The following MACROD2 variants were observed in gnomAD, a reference collection of about 807,000 sequenced individuals.
The protein encoded by MACROD2 is ADP-ribose glycohydrolase MACROD2.
MACROD2 carries 36 observed loss-of-function variants against 70.4 expected under a neutral mutation model. The ratio of observed to expected loss-of-function variants is 0.51; its 90% CI spans 0.39 to 0.68. MACROD2 has a LOEUF of 0.68. Among genes scored for constraint, MACROD2 ranks in the 30% least tolerant of loss-of-function variants. The pLI, the probability that MACROD2 is intolerant of heterozygous loss-of-function variation, is 0.00. For synonymous variants in MACROD2, 172 were observed against 178.8 expected, an observed-to-expected ratio of 0.96 and a Z score of 0.30; for missense variants, 496 against 538.4, an observed-to-expected ratio of 0.92 and a Z score of 0.78.
chr20:14,401,170 A>C (rs2083634385), intron 3 of MACROD2, among the ~76,000 whole-genome samples: 1 of 152,214 alleles, frequency 6.6e-6, no homozygotes, highest in Non-Finnish European at 1.5e-5. Flanking sequence ...TATATTATTT[A>C]TGCCAAGGGA....
chr20:15,595,221 A>G lies in MACROD2; in HGVS notation c.645+95374A>G, dbSNP rs148606879. Among the ~76,000 whole-genome samples, 120 of 152,344 alleles carry G rather than the reference A, an allele frequency of 7.9e-4. No individual in the cohort carries two copies. The Middle Eastern group carries it at 0.014, about 17-fold the overall frequency. On this transcript the variant is annotated intron_variant, in intron 8 of 17. Coordinates refer to ENST00000684519, the MANE Select transcript of MACROD2 (RefSeq NM_001351661.2). ...ACTGCACAACAGTGTGACTGTACAT[A>G]ATACTACTGAACTGTGCACTAAAAA...
At chr20:14,021,257 G>A (rs922744072) in intron 2 of MACROD2, among the ~76,000 whole-genome samples, 1 of 152,154 alleles carries the variant, frequency 6.6e-6, no homozygotes, top group African/African-American at 2.4e-5. Flanking sequence ...CCAAAGTGCT[G>A]GGATTACAGG....
At chr20:15,154,970 G>A (rs2076296766) in intron 5 of MACROD2, among the ~76,000 whole-genome samples, 1 of 152,082 alleles carries the variant, frequency 6.6e-6, no homozygotes, top group Non-Finnish European at 1.5e-5. Context: ...AGACTCCCTA[G>A]GTTCTTATTA....
At chr20:14,778,380 C>A (rs560791800) in intron 5 of MACROD2, among the ~76,000 whole-genome samples, 4 of 152,058 alleles carry the variant, frequency 2.6e-5, no homozygotes, top group Non-Finnish European at 5.9e-5. Context: ...TAGACAACTC[C>A]GTGCCTTTGT....
chr20:15,205,679 A>G (rs1489028087), intron 5 of MACROD2, among the ~76,000 whole-genome samples: 1 of 152,228 alleles, frequency 6.6e-6, no homozygotes, highest in Non-Finnish European at 1.5e-5. Context: ...GAGAAAATAG[A>G]TAGAGGTAGA....
intron 10 of MACROD2, among the ~76,000 whole-genome samples, chr20:15,918,981 G>A (rs1366144048): frequency 2.0e-5 from 3 of 152,164 alleles, no homozygotes; most frequent in Non-Finnish European, 4.4e-5. Context: ...CCAATGAGAG[G>A]GATGAGGCAT....
intron 3 of MACROD2, chr20:14,128,002 A>G (rs1483843006): frequency 3.3e-5 from 18 of 539,412 alleles, no homozygotes; most frequent in South Asian, 2.9e-5. Flanking sequence ...CTGGAGAATC[A>G]TGTTCCTTTT....
Position 15,593,593 on chromosome 20 carries a change from C to G in MACROD2, c.645+93746C>G, listed in dbSNP as rs566165953. Reference sequence around the variant, plus strand: ...ACTATGGAATAAGGTTTATTAAGACCACATGCTTCAGATCTGTGCAGACTT... The same window carrying G: ...ACTATGGAATAAGGTTTATTAAGACGACATGCTTCAGATCTGTGCAGACTT... On this transcript the variant is annotated intron_variant, in intron 8 of 17. Coordinates refer to ENST00000684519, the MANE Select transcript of MACROD2 (RefSeq NM_001351661.2). 1.2e-4 allele frequency among the ~76,000 whole-genome samples: 18 copies of G among 152,210 alleles called. No individual in the cohort carries two copies. The South Asian group carries it at 3.1e-3, about 26-fold the overall frequency.
intron 8 of MACROD2, among the ~76,000 whole-genome samples, chr20:15,507,337 T>C (rs2047438410): frequency 6.7e-6 from 1 of 149,388 alleles, no homozygotes; most frequent in East Asian, 2.0e-4. Context: ...CTTCTCCCAA[T>C]TCCCTCCTCC....
chr20:14,078,103 T>C (rs1387257917), intron 2 of MACROD2, among the ~76,000 whole-genome samples: 2 of 151,928 alleles, frequency 1.3e-5, no homozygotes, highest in Non-Finnish European at 2.9e-5. Context: ...GGTTTCTCCA[T>C]GTTGGTCAGG....
At chr20:15,026,765 G>A (rs2075235130) in intron 5 of MACROD2, among the ~76,000 whole-genome samples, 1 of 151,958 alleles carries the variant, frequency 6.6e-6, no homozygotes, top group Non-Finnish European at 1.5e-5. Flanking sequence ...CAATTGCATG[G>A]GCCTGACCAA....
At chr20:14,807,892 A>G (rs2072658968) in intron 5 of MACROD2, among the ~76,000 whole-genome samples, 1 of 152,120 alleles carries the variant, frequency 6.6e-6, no homozygotes, top group African/African-American at 2.4e-5. Flanking sequence ...AAGATTAGAG[A>G]AAAAAACAAT....
chr20:15,782,703 A>C (rs575471384), intron 8 of MACROD2, among the ~76,000 whole-genome samples: 12 of 135,568 alleles, frequency 8.9e-5, no homozygotes, highest in Admixed American at 8.3e-4. Flanking sequence ...AGACATATGC[A>C]GATAGAGAAA....
chr20:15,988,386 G>A (rs980328273), intron 15 of MACROD2, among the ~76,000 whole-genome samples: 60 of 152,238 alleles, frequency 3.9e-4, no homozygotes, highest in African/African-American at 1.3e-3. Context: ...AATGCTGTGC[G>A]TGTTAGCTTA....
At chr20:14,807,520 A>G (rs1704642598) in intron 5 of MACROD2, among the ~76,000 whole-genome samples, 1 of 152,162 alleles carries the variant, frequency 6.6e-6, no homozygotes, top group Admixed American at 6.5e-5. Flanking sequence ...TCCAAAAACC[A>G]CAATGCCTCT....
chr20:14,283,290 G>A (rs1472179745), intron 3 of MACROD2, among the ~76,000 whole-genome samples: 2 of 152,140 alleles, frequency 1.3e-5, no homozygotes, highest in African/African-American at 2.4e-5. Context: ...AACTAAGAGT[G>A]CCTCATGGCT....
intron 5 of MACROD2, among the ~76,000 whole-genome samples, chr20:15,144,492 C>A (rs2076216146): frequency 6.6e-6 from 1 of 152,106 alleles, no homozygotes; most frequent in South Asian, 2.1e-4. Context: ...AACGTTCTTC[C>A]AGTTTTCAAA....
At chr20:14,807,252 A>G (rs139281738) in intron 5 of MACROD2, among the ~76,000 whole-genome samples, 2,022 of 152,254 alleles carry the variant, frequency 0.013, 45 homozygotes, top group African/African-American at 0.046. Flanking sequence ...AGGAGCAGGC[A>G]GCAATCTTTA....
chr20:15,766,488 C>G (rs558543132), intron 8 of MACROD2, among the ~76,000 whole-genome samples: 6 of 152,286 alleles, frequency 3.9e-5, no homozygotes, highest in African/African-American at 7.2e-5. Flanking sequence ...GTCTCTTATT[C>G]TCTCCTGAAG....
Sources: allele counts gnomAD v4.1 joint callset (sites outside exome capture counted in the v4.1 genomes callset), GRCh38; gene constraint gnomAD v4.1.1; transcripts MANE v1.5; gene names NCBI Gene and HGNC (gene_info 2026-07-23, HGNC 2026-07-21).